The following ST7 variants were observed in gnomAD, a reference collection of about 807,000 sequenced individuals.
The protein encoded by ST7 is suppression of tumorigenicity 7.
A neutral mutation model predicts 78.7 loss-of-function variants in ST7; 28 were observed. The ratio of observed to expected loss-of-function variants is 0.36; its 90% confidence interval spans 0.26 to 0.49. ST7 has a LOEUF of 0.49. Ranked by LOEUF, ST7 falls within the 20% of genes least tolerant of loss-of-function variation. ST7 has a pLI of 0.99. For missense variants in ST7, 418 were observed against 696.0 expected, an observed-to-expected ratio of 0.60 and a Z score of 4.49; for synonymous variants, 247 against 249.6, an observed-to-expected ratio of 0.99 and a Z score of 0.10.
intron 1 of ST7, among the ~76,000 whole-genome samples, chr7:117,057,930 TG>T (rs1357982956): frequency 4.6e-5 from 7 of 152,264 alleles, no homozygotes; most frequent in Admixed American, 4.6e-4. Context: ...CCTACCTGAG[TG>T]GGATGTTTTG....
chr7:117,175,281 C>T (rs1393316911), intron 10 of ST7, among the ~76,000 whole-genome samples: 1 of 152,160 alleles, frequency 6.6e-6, no homozygotes, highest in Non-Finnish European at 1.5e-5. Flanking sequence ...CTTTTAGAAG[C>T]CGTTGCAAAA....
At chr7:117,126,815 C>T (rs1370917991) in intron 3 of ST7, among the ~76,000 whole-genome samples, 1 of 151,852 alleles carries the variant, frequency 6.6e-6, no homozygotes, top group Admixed American at 6.6e-5. Flanking sequence ...TTGTCTCTCA[C>T]AAAGAAGCTT....
intron 13 of ST7, among the ~76,000 whole-genome samples, chr7:117,216,555 C>A (rs1792703962): frequency 6.6e-6 from 1 of 152,108 alleles, no homozygotes; most frequent in Admixed American, 6.6e-5. Context: ...AGGCACAAGG[C>A]TGTCATGGAG....
chr7:117,099,642 T>A, intron 1 of ST7, 120 bp from the exon 2 acceptor site: 1 of 695,712 alleles, frequency 1.4e-6, no homozygotes, highest in Non-Finnish European at 2.4e-6. Context: ...ACTATGGTTC[T>A]AAGAATTATC....
chr7:117,053,337 A>G (rs891138242), intron 1 of ST7, among the ~76,000 whole-genome samples: 3 of 152,188 alleles, frequency 2.0e-5, no homozygotes, highest in Non-Finnish European at 4.4e-5. Flanking sequence ...CAACTCTTAC[A>G]GTGTTTTTCG....
intron 1 of ST7, among the ~76,000 whole-genome samples, chr7:117,015,653 T>C (rs1563013205): frequency 6.6e-6 from 1 of 152,170 alleles, no homozygotes; most frequent in Non-Finnish European, 1.5e-5. Context: ...GGTTACTTGA[T>C]GAGTAAGTGG....
intron 10 of ST7, among the ~76,000 whole-genome samples, chr7:117,180,169 C>T (rs1484648575): frequency 6.6e-6 from 1 of 152,052 alleles, no homozygotes; most frequent in Non-Finnish European, 1.5e-5. Context: ...CTATGTAGAC[C>T]CACCATAACC....
At chr7:117,201,910 G>A (rs1263305280) in intron 12 of ST7, among the ~76,000 whole-genome samples, 5 of 151,588 alleles carry the variant, frequency 3.3e-5, no homozygotes, top group Non-Finnish European at 4.4e-5. Flanking sequence ...ACGCGTTCAT[G>A]TTTTCCAGGG....
intron 1 of ST7, chr7:117,023,133 G>T (rs1796012260): frequency 6.6e-6 from 1 of 152,134 alleles, no homozygotes. Flanking sequence ...TATTGATTAA[G>T]TTGATTTTAT....
chr7:117,152,203 A>AAAAACTATATAT (rs1563124744), intron 9 of ST7, among the ~76,000 whole-genome samples: 1 of 94,700 alleles, frequency 1.1e-5, no homozygotes. Flanking sequence ...ATATATATAT[A>AAAAACTATATAT]TATATATATA....
chr7:117,202,512 G>T (rs1810972438), intron 12 of ST7, among the ~76,000 whole-genome samples: 1 of 151,242 alleles, frequency 6.6e-6, no homozygotes, highest in Non-Finnish European at 1.5e-5. Flanking sequence ...AGTTTCTTAT[G>T]CCAAAAATTT....
chr7:117,132,555 A>G (rs1176767375), intron 6 of ST7, among the ~76,000 whole-genome samples: 2 of 151,788 alleles, frequency 1.3e-5, no homozygotes, highest in Non-Finnish European at 2.9e-5. Flanking sequence ...CTTAAAGGTC[A>G]CTTAGCTGAA....
chr7:117,083,460 G>A (rs1025870447), intron 1 of ST7, among the ~76,000 whole-genome samples: 9 of 151,990 alleles, frequency 5.9e-5, no homozygotes, highest in Admixed American at 4.6e-4. Flanking sequence ...GTTTCACCAT[G>A]TTGGCCAGGC....
chr7:117,029,149 A>G (rs1029544458), intron 1 of ST7, among the ~76,000 whole-genome samples: 7 of 152,174 alleles, frequency 4.6e-5, no homozygotes, highest in Non-Finnish European at 1.0e-4. Context: ...ATACCTAGGC[A>G]TGCCATTGTT....
intron 12 of ST7, among the ~76,000 whole-genome samples, chr7:117,200,574 AAG>A (rs1298215315): frequency 6.6e-6 from 1 of 152,156 alleles, no homozygotes; most frequent in Non-Finnish European, 1.5e-5. Context: ...GTGCCCGCCC[AAG>A]AGGTAGTGGA....
chr7:117,087,855 G>T (rs1183528102), intron 1 of ST7, among the ~76,000 whole-genome samples: 1 of 152,130 alleles, frequency 6.6e-6, no homozygotes. Flanking sequence ...CTCTCTGGTG[G>T]TATTATAGGC....
intron 1 of ST7, among the ~76,000 whole-genome samples, chr7:117,034,850 A>C (rs914207159): frequency 1.3e-5 from 2 of 152,164 alleles, no homozygotes; most frequent in African/African-American, 4.8e-5. Context: ...GGATGGACAG[A>C]GTTATCACTA....
At chr7:117,157,270 T>A (rs767685005) in intron 9 of ST7, among the ~76,000 whole-genome samples, 1 of 152,132 alleles carries the variant, frequency 6.6e-6, no homozygotes, top group Admixed American at 6.5e-5. Flanking sequence ...TCCTGCCTCA[T>A]AGACAAAAGT....
chr7:117,032,898 C>T (rs753872052), intron 1 of ST7, among the ~76,000 whole-genome samples: 3 of 152,150 alleles, frequency 2.0e-5, no homozygotes, highest in Non-Finnish European at 4.4e-5. Context: ...TAGTTCCAGG[C>T]AGGCCTACTC....
Sources: allele counts gnomAD v4.1 joint callset (sites outside exome capture counted in the v4.1 genomes callset), GRCh38; gene constraint gnomAD v4.1.1; transcripts MANE v1.5; gene names NCBI Gene and HGNC (gene_info 2026-07-23, HGNC 2026-07-21).